INTU: variants seen among roughly 807,000 people sequenced by gnomAD.
The protein encoded by INTU is protein inturned.
Under a neutral mutation model 100.5 loss-of-function variants are expected in INTU, and 68 were observed. That is an observed-to-expected ratio of 0.68 (90% CI 0.56 to 0.83). INTU has a LOEUF of 0.83. INTU is among the 40% of genes least tolerant of loss of function. INTU has a pLI of 0.00. For synonymous variants in INTU, 357 were observed against 395.7 expected (o/e 0.90, Z 1.16); for missense variants, 1,071 against 1,114.7 (o/e 0.96, Z 0.56).
At chr4:127,676,829 G>A (rs946782409) in intron 6 of INTU, among the ~76,000 whole-genome samples, 1 of 152,138 alleles carries the variant, frequency 6.6e-6, no homozygotes, top group African/African-American at 2.4e-5. Flanking sequence ...AGGGGTCAGG[G>A]AGTTCCCTTT....
intron 14 of INTU, among the ~76,000 whole-genome samples, chr4:127,712,274 T>A (rs1193326625): frequency 6.6e-6 from 1 of 152,026 alleles, no homozygotes; most frequent in African/African-American, 2.4e-5. Context: ...CTTGTAGGAT[T>A]TTTTTTTGAG....
intron 8 of INTU, among the ~76,000 whole-genome samples, chr4:127,688,354 G>A (rs1043994477): frequency 2.0e-5 from 3 of 152,182 alleles, no homozygotes; most frequent in African/African-American, 7.2e-5. Flanking sequence ...TAGTAAAACT[G>A]TATGACGGTT....
At chr4:127,675,452 A>G (rs957789324) in intron 6 of INTU, among the ~76,000 whole-genome samples, 4 of 152,184 alleles carry the variant, frequency 2.6e-5, no homozygotes, top group African/African-American at 7.2e-5. Context: ...ACAGCAGTGT[A>G]TTCATTTTTT....
At chr4:127,636,455 AC>A (rs1455211459) in intron 1 of INTU, among the ~76,000 whole-genome samples, 1 of 151,920 alleles carries the variant, frequency 6.6e-6, no homozygotes, top group Non-Finnish European at 1.5e-5. Context: ...TACTAAAGAT[AC>A]AAAAAATTAG....
At chr4:127,637,451 T>C (rs1324310258) in intron 1 of INTU, among the ~76,000 whole-genome samples, 1 of 152,220 alleles carries the variant, frequency 6.6e-6, no homozygotes. Flanking sequence ...TATTCTCAAA[T>C]TGACCACTTG....
intron 2 of INTU, among the ~76,000 whole-genome samples, chr4:127,653,551 C>T (rs1185699886): frequency 6.6e-6 from 1 of 152,106 alleles, no homozygotes; most frequent in Non-Finnish European, 1.5e-5. Context: ...ATTCTTAATC[C>T]TGAGTTGTAG....
chr4:127,663,201 G>A (rs942446596), intron 3 of INTU, among the ~76,000 whole-genome samples, 180 bp from the exon 4 acceptor site: 10 of 151,900 alleles, frequency 6.6e-5, no homozygotes, highest in African/African-American at 2.2e-4. Context: ...ACTCTCCTAG[G>A]AGCCGAAGAT....
chr4:127,655,814 C>A (rs1448161696), intron 2 of INTU, among the ~76,000 whole-genome samples: 1 of 152,176 alleles, frequency 6.6e-6, no homozygotes. Context: ...GGGCGCCCCT[C>A]CCCCAGCCTC....
At chr4:127,700,387 G>A (rs1430917242) in intron 9 of INTU, among the ~76,000 whole-genome samples, 1 of 152,166 alleles carries the variant, frequency 6.6e-6, no homozygotes, top group Non-Finnish European at 1.5e-5. Context: ...AATTGGAAGT[G>A]TCAATATCGT....
chr4:127,700,721 A>G (rs1730610745), intron 9 of INTU, among the ~76,000 whole-genome samples: 1 of 152,098 alleles, frequency 6.6e-6, no homozygotes, highest in Non-Finnish European at 1.5e-5. Context: ...AATAACTACA[A>G]CAGATTGAAA....
At chr4:127,656,961 G>T (rs1728258007) in intron 3 of INTU, among the ~76,000 whole-genome samples, 1 of 152,128 alleles carries the variant, frequency 6.6e-6, no homozygotes, top group Non-Finnish European at 1.5e-5. Context: ...AACAGCAACA[G>T]TAATGAAAAC....
At chr4:127,679,930 C>T (rs557386415) in intron 6 of INTU, among the ~76,000 whole-genome samples, 62 of 152,190 alleles carry the variant, frequency 4.1e-4, no homozygotes, top group African/African-American at 1.3e-3. Flanking sequence ...ATATCACCAC[C>T]GATCCCACAG....
intron 5 of INTU, among the ~76,000 whole-genome samples, chr4:127,671,671 A>G (rs1728934154): frequency 6.6e-6 from 1 of 152,140 alleles, no homozygotes; most frequent in South Asian, 2.1e-4. Context: ...TCATATATTT[A>G]TGAGTGCTAT....
In INTU at chr4:127,699,995, T is replaced by C; in HGVS notation, c.1450-15T>C. 6.4e-7 allele frequency: 1 copy of C among 1,563,728 alleles called. No homozygotes were observed. The highest frequency in any genetic ancestry group is 8.6e-7 in the Non-Finnish European group (1 of 1,160,256). ...GTCAAATGTTTATGTTACTCTTTTT[T>C]TTTTTTTAACATAGATGGAATTAGA... On this transcript the variant is annotated splice_polypyrimidine_tract_variant and intron_variant, in intron 8 of 15. Transcript: ENST00000335251.
intron 5 of INTU, among the ~76,000 whole-genome samples, chr4:127,672,098 G>A (rs1728957841): frequency 6.6e-6 from 1 of 152,052 alleles, no homozygotes; most frequent in Non-Finnish European, 1.5e-5. Flanking sequence ...TCACCACCAT[G>A]CAACATCCAT....
At chr4:127,694,221 T>A (rs967581564) in intron 8 of INTU, among the ~76,000 whole-genome samples, 5 of 151,942 alleles carry the variant, frequency 3.3e-5, no homozygotes, top group Non-Finnish European at 7.4e-5. Context: ...TGTTGGCAGT[T>A]TTTCCATAAC....
At chr4:127,651,831 T>C (rs1727896425) in intron 2 of INTU, among the ~76,000 whole-genome samples, 1 of 151,686 alleles carries the variant, frequency 6.6e-6, no homozygotes, top group Non-Finnish European at 1.5e-5. Context: ...TTTCACGATA[T>C]TGATTCTTCC....
chr4:127,701,308 A>G (rs1307691344), intron 9 of INTU, among the ~76,000 whole-genome samples: 1 of 152,188 alleles, frequency 6.6e-6, no homozygotes, highest in Admixed American at 6.5e-5. Context: ...GAGAAGGGAG[A>G]GAAGTTGAGA....
chr4:127,679,803 A>G (rs1560857155), intron 6 of INTU, among the ~76,000 whole-genome samples: 1 of 152,124 alleles, frequency 6.6e-6, no homozygotes, highest in Admixed American at 6.5e-5. Context: ...CAAAAAATTA[A>G]TGAATCCAGG....
Sources: gnomAD v4.1 joint callset for allele counts (sites outside exome capture counted in the v4.1 genomes callset) on GRCh38, gnomAD v4.1.1 for gene constraint, MANE v1.5 for transcripts, NCBI Gene and HGNC (gene_info 2026-07-23, HGNC 2026-07-21) for gene names.